SNRPG: variants seen among roughly 807,000 people sequenced by gnomAD.
SNRPG encodes the protein small nuclear ribonucleoprotein polypeptide G.
SNRPG carries 3 observed loss-of-function variants against 13.9 expected under a neutral mutation model. The observed-to-expected ratio is 0.22, with a 90% CI of 0.10 to 0.56. The LOEUF (loss-of-function observed/expected upper bound fraction) is 0.56, where lower values mean the gene tolerates loss of function less well. SNRPG is among the 20% of genes least tolerant of loss of function. The pLI, the probability that SNRPG is intolerant of heterozygous loss-of-function variation, is 0.93. For synonymous variants in SNRPG, 29 were observed against 29.3 expected (o/e 0.99, Z 0.03); for missense variants, 34 against 96.1 (o/e 0.35, Z 2.70).
intron 3 of SNRPG, among the ~76,000 whole-genome samples, chr2:70,285,035 G>A (rs1696904962): frequency 6.6e-6 from 1 of 152,110 alleles, no homozygotes; most frequent in Non-Finnish European, 1.5e-5. Flanking sequence ...TTTTATGATT[G>A]ACTGTTGTGG....
chr2:70,286,198 G>A (rs1000620261), intron 3 of SNRPG, among the ~76,000 whole-genome samples: 2 of 152,154 alleles, frequency 1.3e-5, no homozygotes, highest in African/African-American at 4.8e-5. Context: ...GAAGTGCTGG[G>A]ATTATAGATG....
At chr2:70,285,221 C>A (rs993817062) in intron 3 of SNRPG, among the ~76,000 whole-genome samples, 25 of 152,192 alleles carry the variant, frequency 1.6e-4, no homozygotes, top group African/African-American at 5.1e-4. Flanking sequence ...TATGTTGAGA[C>A]TGCCAAGATT....
At chr2:70,290,009 T>C (rs985565195) in intron 1 of SNRPG, among the ~76,000 whole-genome samples, 9 of 151,408 alleles carry the variant, frequency 5.9e-5, no homozygotes, top group African/African-American at 1.5e-4. Context: ...TCTTTCTTTT[T>C]TTTTTTTTTT....
At chr2:70,283,117 A>AC (rs1559041586) in intron 3 of SNRPG, among the ~76,000 whole-genome samples, 2 of 148,550 alleles carry the variant, frequency 1.3e-5, no homozygotes, top group East Asian at 1.9e-4. Flanking sequence ...AAAAAAAAAA[A>AC]AAAAAAACAA....
intron 1 of SNRPG, among the ~76,000 whole-genome samples, chr2:70,292,141 T>A (rs1373062331): frequency 6.6e-6 from 1 of 151,486 alleles, no homozygotes; most frequent in African/African-American, 2.4e-5. Flanking sequence ...AGACACGGGG[T>A]TTCACCGTTT....
Position 70,293,080 on chromosome 2 carries a change from T to C in SNRPG, c.32+538A>G, listed in dbSNP as rs368216409. The C allele has an allele frequency of 1.7e-5, 12 of 701,542 alleles. No individual in the cohort carries two copies. In the African/African-American group the frequency reaches 2.1e-4, roughly 12 times the overall value. The allele number at this position is 701,542 out of a possible 1,614,324, so 43.5% of individuals were successfully genotyped here. A position where few individuals can be genotyped will look rare whatever the true frequency, so the allele number is the denominator to read the frequency against. The stretch of plus-strand genomic sequence containing the variant: ...TTCAACATCAGAGCAAGATAACACA[T>C]GACATTCAAGCTTAACGTAAAAGAA... On this transcript the variant is annotated intron_variant, in intron 1 of 3. Coordinates refer to ENST00000272348, the MANE Select transcript of SNRPG (RefSeq NM_003096.4).
chr2:70,293,696 G>C lies in SNRPG; in HGVS notation c.-47C>G, dbSNP rs373447773. ...CAGATGCCTTGGAACGCAACGCACG[G>C]CTTTCCTCACGCTCCCGCTGTAGGC... On this transcript the variant is annotated 5_prime_UTR_variant, in exon 1 of 4. Transcript: ENST00000272348. 3 of 1,591,088 alleles carry C rather than the reference G, an allele frequency of 1.9e-6. No homozygotes were observed. Among genetic ancestry groups the C allele is most frequent in the Non-Finnish European group, 1.7e-6 (2 of 1,159,020 alleles).
Position 70,291,621 on chromosome 2 carries a change from GTGTAAAAGAAGATGCTATC to G in SNRPG, c.32+1978_32+1996del, listed in dbSNP as rs537651629. ...GCTACACCAGAAGGAGGGCATAATG[GTGTAAAAGAAGATGCTATC>G]TGTGAGAAAGCAGAGGAAGAAAAAA... On this transcript the variant is annotated intron_variant, in intron 1 of 3. Coordinates refer to ENST00000272348, the MANE Select transcript of SNRPG (RefSeq NM_003096.4). Among the ~76,000 whole-genome samples, 21 of 152,244 alleles carry G rather than the reference GTGTAAAAGAAGATGCTATC, an allele frequency of 1.4e-4. No homozygotes were observed. The East Asian group carries it at 3.9e-3, about 28-fold the overall frequency.
chr2:70,293,710 C>G lies in SNRPG; in HGVS notation c.-61G>C, dbSNP rs976455711. 6.6e-7 allele frequency: 1 copy of G among 1,517,052 alleles called. No homozygotes were observed. The highest frequency in any genetic ancestry group is 1.4e-5 in the African/African-American group (1 of 72,984). 94.0% of individuals were successfully genotyped at this position (1,517,052 alleles called of 1,614,324 possible). ...CGCAACGCACGGCTTTCCTCACGCT[C>G]CCGCTGTAGGCCCGGCGTCTTGCGT... On this transcript the variant is annotated 5_prime_UTR_variant, in exon 1 of 4. Coordinates refer to ENST00000272348, the MANE Select transcript of SNRPG (RefSeq NM_003096.4).
At chr2:70,288,956 A>G (rs56040423) in intron 2 of SNRPG, among the ~76,000 whole-genome samples, 2 of 148,064 alleles carry the variant, frequency 1.4e-5, no homozygotes, top group South Asian at 2.1e-4. Context: ...TGTGCTTTAA[A>G]TTTTTTTTTT....
In SNRPG at chr2:70,293,346, G is replaced by C. The variant is rs1221137116; in HGVS notation, c.32+272C>G. ...GGAGATCTTCAAGGAACGAGGGACA[G>C]CGCCGGGTGACCAGGGGCCAGACCG... On this transcript the variant is annotated intron_variant, in intron 1 of 3. Transcript: ENST00000272348. 10 of 634,564 alleles carry C rather than the reference G, an allele frequency of 1.6e-5. No homozygotes were observed. In the East Asian group the frequency reaches 2.7e-4, roughly 17 times the overall value. The allele number at this position is 634,564 out of a possible 1,614,324, so 39.3% of individuals were successfully genotyped here.
At chr2:70,288,278 G>T in intron 2 of SNRPG, 86 bp from the exon 3 acceptor site, 1 of 1,137,330 alleles carries the variant, frequency 8.8e-7, no homozygotes, top group Non-Finnish European at 1.3e-6. Flanking sequence ...TAAAACACAA[G>T]TATTTGAGAT....
intron 2 of SNRPG, among the ~76,000 whole-genome samples, chr2:70,288,858 A>AATT (rs1697008919): frequency 6.6e-6 from 1 of 151,728 alleles, no homozygotes; most frequent in African/African-American, 2.4e-5. Context: ...AAGTGCTGTT[A>AATT]AATTAATTAT....
chr2:70,287,996 T>C, intron 3 of SNRPG, 72 bp downstream of exon 3: 1 of 1,456,318 alleles, frequency 6.9e-7, no homozygotes, highest in Non-Finnish European at 9.6e-7. Context: ...TGGGGGTTAC[T>C]AACCAGGAAA....
intron 3 of SNRPG, among the ~76,000 whole-genome samples, chr2:70,284,469 G>T (rs1352344400): frequency 6.6e-6 from 1 of 152,092 alleles, no homozygotes. Flanking sequence ...CTGCAGCCTT[G>T]ACCTCCTGGG....
intron 1 of SNRPG, 136 bp from the exon 2 acceptor site, chr2:70,289,508 G>A (rs1312689727): frequency 2.3e-5 from 13 of 554,198 alleles, no homozygotes; most frequent in Non-Finnish European, 4.3e-5. Context: ...TAAAAATAAT[G>A]TATTGCTGTA....
intron 3 of SNRPG, among the ~76,000 whole-genome samples, chr2:70,283,043 C>G (rs1323270612): frequency 1.6e-5 from 2 of 124,420 alleles, no homozygotes; most frequent in Non-Finnish European, 3.2e-5. Context: ...TGCGGTAAGC[C>G]AAGATAGCGC....
chr2:70,292,972 A>G, intron 1 of SNRPG: 1 of 592,182 alleles, frequency 1.7e-6, no homozygotes, highest in Non-Finnish European at 3.0e-6. Flanking sequence ...GGTGTGTAGA[A>G]AAAACTTCAA....
intron 2 of SNRPG, among the ~76,000 whole-genome samples, chr2:70,288,429 T>A (rs1331843404): frequency 2.6e-5 from 4 of 152,216 alleles, no homozygotes; most frequent in Non-Finnish European, 4.4e-5. Flanking sequence ...CAGAGCTTTT[T>A]TAAAATTTTT....
Sources: allele counts gnomAD v4.1 joint callset (sites outside exome capture counted in the v4.1 genomes callset), GRCh38; gene constraint gnomAD v4.1.1; transcripts MANE v1.5; gene names NCBI Gene and HGNC (gene_info 2026-07-23, HGNC 2026-07-21).